The following TCF7L2 variants were observed in gnomAD, a reference collection of about 807,000 sequenced individuals.
TCF7L2 encodes the protein transcription factor 7 like 2.
A neutral mutation model predicts 77.9 loss-of-function variants in TCF7L2; 23 were observed. That is an observed-to-expected ratio of 0.30 (90% confidence interval 0.21 to 0.42). The LOEUF is 0.42. TCF7L2 is among the 10% of genes least tolerant of loss of function. TCF7L2 has a pLI of 1.00. For missense variants in TCF7L2, 654 were observed against 793.1 expected (o/e 0.82, Z 2.11); for synonymous variants, 413 against 340.2 (o/e 1.21, Z -2.36).
intron 4 of TCF7L2, among the ~76,000 whole-genome samples, chr10:113,000,914 C>A (rs954126396): frequency 2.0e-5 from 3 of 152,202 alleles, no homozygotes; most frequent in African/African-American, 7.2e-5. Flanking sequence ...ATTCCCCCAC[C>A]CTTCACTTCC....
intron 4 of TCF7L2, among the ~76,000 whole-genome samples, chr10:112,978,472 T>G (rs2039849874): frequency 6.6e-6 from 1 of 151,540 alleles, no homozygotes; most frequent in Non-Finnish European, 1.5e-5. Context: ...TTTTGTGATT[T>G]TTTTTTTTTT....
intron 4 of TCF7L2, among the ~76,000 whole-genome samples, chr10:112,974,047 G>A (rs1341419002): frequency 6.6e-6 from 1 of 152,234 alleles, no homozygotes; most frequent in African/African-American, 2.4e-5. Flanking sequence ...CAGGAGTCCA[G>A]TGCAGCTATC....
Position 112,950,692 on chromosome 10 carries a change from T to C in TCF7L2, c.-65T>C. On this transcript the variant is annotated 5_prime_UTR_variant, in exon 1 of 14. Coordinates refer to ENST00000627217, the MANE Select transcript of TCF7L2 (RefSeq NM_001146274.2). ...GGGGGGCAAAACTTTTTGGGGGTGA[T>C]TTTTTTTGGCTTTTCTTCCTCCTTC... 1 of 1,486,424 alleles carries C rather than the reference T, an allele frequency of 6.7e-7. No homozygotes were observed. The highest frequency in any genetic ancestry group is 1.4e-5 in the African/African-American group (1 of 69,280). 92.1% of individuals were successfully genotyped at this position (1,486,424 alleles called of 1,614,324 possible). A position where few individuals can be genotyped will look rare whatever the true frequency, so the allele number is the denominator to read the frequency against.
At chr10:113,046,902 A>C (rs894014315) in intron 5 of TCF7L2, among the ~76,000 whole-genome samples, 2 of 152,196 alleles carry the variant, frequency 1.3e-5, no homozygotes, top group African/African-American at 4.8e-5. Flanking sequence ...TTTTTAACAT[A>C]CTTGAGCTCA....
At chr10:113,124,206 T>C (rs904784647) in intron 5 of TCF7L2, among the ~76,000 whole-genome samples, 3 of 152,208 alleles carry the variant, frequency 2.0e-5, no homozygotes, top group African/African-American at 7.2e-5. Context: ...AAAAAATTTT[T>C]TTTATGAGAA....
intron 4 of TCF7L2, among the ~76,000 whole-genome samples, chr10:112,981,399 C>CT (rs1443626762): frequency 6.6e-6 from 1 of 152,058 alleles, no homozygotes; most frequent in Non-Finnish European, 1.5e-5. Context: ...CAGTTTATCT[C>CT]TATCAGAAAA....
rs186293749 is a variant in TCF7L2, at chr10:113,140,280, G to T, written c.553-904G>T. On this transcript the variant is annotated intron_variant, in intron 5 of 13. Coordinates refer to ENST00000627217, the MANE Select transcript of TCF7L2 (RefSeq NM_001146274.2). ...GAGCGGGAGGTGGGGGAAAGAGGAG[G>T]AGAATAATTTGGGAAAGCCTGGGCA... Among the ~76,000 whole-genome samples, 238 of 152,184 alleles carry T rather than the reference G, an allele frequency of 1.6e-3. 1 individual carries two copies. The Middle Eastern group carries it at 0.02, about 13-fold the overall frequency.
chr10:113,045,346 C>T (rs116453714), intron 5 of TCF7L2, among the ~76,000 whole-genome samples: 2,464 of 152,220 alleles, frequency 0.016, 72 homozygotes, highest in African/African-American at 0.055. Flanking sequence ...TTTGCCCAGT[C>T]GTGGGAGTCA....
At chr10:113,101,895 T>C (rs2061686054) in intron 5 of TCF7L2, among the ~76,000 whole-genome samples, 1 of 142,316 alleles carries the variant, frequency 7.0e-6, no homozygotes, top group Non-Finnish European at 1.5e-5. Flanking sequence ...TCCCAGCACT[T>C]TGGGAGGCCA....
chr10:113,128,446 T>C (rs1010619862), intron 5 of TCF7L2, among the ~76,000 whole-genome samples: 2 of 152,126 alleles, frequency 1.3e-5, no homozygotes, highest in Non-Finnish European at 1.5e-5. Flanking sequence ...AACAGTCTTG[T>C]GGGCTTGGAG....
chr10:113,162,629 T>C (rs2073351273), intron 13 of TCF7L2, among the ~76,000 whole-genome samples: 3 of 152,222 alleles, frequency 2.0e-5, no homozygotes, highest in Admixed American at 1.3e-4. Flanking sequence ...GCTGAGCCCC[T>C]GGTCCTAGGT....
intron 4 of TCF7L2, among the ~76,000 whole-genome samples, chr10:113,002,930 T>C (rs1352168736): frequency 6.6e-6 from 1 of 152,232 alleles, no homozygotes; most frequent in Non-Finnish European, 1.5e-5. Flanking sequence ...TCTCTAAATT[T>C]CATTTTAGAG....
intron 3 of TCF7L2, among the ~76,000 whole-genome samples, chr10:112,953,240 A>C (rs2032484120): frequency 6.6e-6 from 1 of 151,870 alleles, no homozygotes; most frequent in Admixed American, 6.6e-5. Flanking sequence ...TAGGGAAGAG[A>C]AATAATTATT....
At chr10:113,128,980 G>A (rs916586947) in intron 5 of TCF7L2, among the ~76,000 whole-genome samples, 1 of 151,918 alleles carries the variant, frequency 6.6e-6, no homozygotes, top group African/African-American at 2.4e-5. Context: ...TGTTCCTGGG[G>A]AAAGCTCACA....
intron 13 of TCF7L2, among the ~76,000 whole-genome samples, chr10:113,163,082 G>A (rs922841394): frequency 7.9e-5 from 12 of 151,842 alleles, no homozygotes; most frequent in African/African-American, 2.7e-4. Context: ...AGAAATGTGT[G>A]TGCGTGCCAG....
At chr10:113,140,263 G>C (rs1047999517) in intron 5 of TCF7L2, among the ~76,000 whole-genome samples, 1 of 152,040 alleles carries the variant, frequency 6.6e-6, no homozygotes, top group Non-Finnish European at 1.5e-5. Flanking sequence ...CTGAGCGGGA[G>C]GTGGGGGAAA....
At chr10:113,058,453 C>A (rs187549373) in intron 5 of TCF7L2, among the ~76,000 whole-genome samples, 4 of 152,048 alleles carry the variant, frequency 2.6e-5, no homozygotes, top group Admixed American at 2.6e-4. Flanking sequence ...ATAGATGGTT[C>A]GTTGGAAAAT....
At chr10:112,953,274 A>G (rs981824767) in intron 3 of TCF7L2, among the ~76,000 whole-genome samples, 1 of 152,024 alleles carries the variant, frequency 6.6e-6, no homozygotes, top group Non-Finnish European at 1.5e-5. Context: ...GCGCCCAGAC[A>G]TGCTTGGGAA....
intron 5 of TCF7L2, chr10:113,089,345 A>T: frequency 6.4e-7 from 1 of 1,571,516 alleles, no homozygotes; most frequent in East Asian, 2.3e-5. Flanking sequence ...TGCCTTGGTG[A>T]CGTGTCCCCC....
Sources: allele counts gnomAD v4.1 joint callset (sites outside exome capture counted in the v4.1 genomes callset), GRCh38; gene constraint gnomAD v4.1.1; transcripts MANE v1.5; gene names NCBI Gene and HGNC (gene_info 2026-07-23, HGNC 2026-07-21).